Variants in TADA2A observed in about 807,000 individuals in gnomAD.
The protein encoded by TADA2A is transcriptional adapter 2-alpha.
Under a neutral mutation model 67.4 loss-of-function variants are expected in TADA2A, and 38 were observed. The observed-to-expected ratio is 0.56, with a 90% CI of 0.44 to 0.74. The LOEUF (loss-of-function observed/expected upper bound fraction) is 0.74. Ranked by LOEUF, TADA2A falls within the 30% of genes least tolerant of loss-of-function variation. The pLI is 0.00. For missense variants in TADA2A, 454 were observed against 547.0 expected, an observed-to-expected ratio of 0.83 and a Z score of 1.70; for synonymous variants, 192 against 181.6, an observed-to-expected ratio of 1.06 and a Z score of -0.46.
intron 5 of TADA2A, 50 bp downstream of exon 5, chr17:37,437,879 A>G: frequency 1.9e-6 from 3 of 1,543,034 alleles, no homozygotes; most frequent in Non-Finnish European, 2.7e-6. Flanking sequence ...CTCAGAGAAG[A>G]AGCTGTTGTT....
Position 37,457,510 on chromosome 17 carries a change from T to C in TADA2A, c.605-1014T>C, listed in dbSNP as rs1671211171. On this transcript the variant is annotated intron_variant, in intron 8 of 15. Transcript: ENST00000615182. ...TTAATTCTTTTTTTTTTTTTTTTTT[T>C]TTTTTGAGACGAGTCTCGCTCTGTT... Among the ~76,000 whole-genome samples, 3 of 144,412 alleles carry C rather than the reference T, an allele frequency of 2.1e-5. No homozygotes were observed. In the South Asian group the frequency reaches 6.8e-4, roughly 33 times the overall value. 94.7% of individuals were successfully genotyped at this position (144,412 alleles called of 152,430 possible). A position where few individuals can be genotyped will look rare whatever the true frequency, so the allele number is the denominator to read the frequency against.
intron 5 of TADA2A, 186 bp downstream of exon 5, chr17:37,438,015 A>G (rs1307063725): frequency 8.4e-6 from 5 of 597,884 alleles, no homozygotes; most frequent in Non-Finnish European, 1.5e-5. Flanking sequence ...TCACGAGGAT[A>G]TGGGATGTTT....
chr17:37,458,637 T>TTTTGTGTGTGTG (rs1230849870), intron 9 of TADA2A, 50 bp downstream of exon 9: 13 of 981,564 alleles, frequency 1.3e-5, no homozygotes, highest in Middle Eastern at 3.1e-4. Flanking sequence ...GATTATTGTT[T>TTTTGTGTGTGTG]TGTGTGTGTG....
intron 14 of TADA2A, among the ~76,000 whole-genome samples, chr17:37,473,637 A>G (rs1023984258): frequency 5.3e-5 from 8 of 152,146 alleles, no homozygotes; most frequent in Non-Finnish European, 7.4e-5. Context: ...GCTGAATACC[A>G]ATCCCTAATA....
intron 5 of TADA2A, among the ~76,000 whole-genome samples, chr17:37,439,948 T>TA (rs1568155344): frequency 5.1e-5 from 2 of 39,140 alleles, no homozygotes; most frequent in East Asian, 1.3e-3. Context: ...ATTTATTATT[T>TA]TTTTTTTTTT....
chr17:37,445,758 C>CT (rs1319263111), intron 8 of TADA2A, among the ~76,000 whole-genome samples: 2 of 149,910 alleles, frequency 1.3e-5, no homozygotes, highest in Admixed American at 6.7e-5. Context: ...ATACCCAATA[C>CT]TTTTTTTTTA....
chr17:37,451,604 G>A (rs2053235647), intron 8 of TADA2A, among the ~76,000 whole-genome samples: 1 of 152,132 alleles, frequency 6.6e-6, no homozygotes, highest in Non-Finnish European at 1.5e-5. Context: ...TTACAGGTGT[G>A]AGCCACCATG....
Position 37,412,307 on chromosome 17 carries a change from C to A in TADA2A, c.25+917C>A, listed in dbSNP as rs568232074. 2.0e-5 allele frequency among the ~76,000 whole-genome samples: 3 copies of A among 151,914 alleles called. No homozygotes were observed. In the East Asian group the frequency reaches 5.8e-4, roughly 29 times the overall value. ...TAAACCTAGAAAAGCCATGGGATTTCTGTTTAGACCAATAACATGTTTCAG... is the reference window on the plus strand; with the variant it reads ...TAAACCTAGAAAAGCCATGGGATTTATGTTTAGACCAATAACATGTTTCAG... On this transcript the variant is annotated intron_variant, in intron 2 of 15. Coordinates refer to ENST00000615182, the MANE Select transcript of TADA2A (RefSeq NM_001166105.3).
At chr17:37,427,356 C>G (rs2052440442) in intron 4 of TADA2A, among the ~76,000 whole-genome samples, 1 of 152,198 alleles carries the variant, frequency 6.6e-6, no homozygotes, top group South Asian at 2.1e-4. Context: ...TGTGTTGTCA[C>G]TGTGTGCTCA....
chr17:37,407,108 C>G (rs1295152714), intron 1 of TADA2A, 159 bp downstream of exon 1: 1 of 113,332 alleles, frequency 8.8e-6, no homozygotes, highest in Non-Finnish European at 1.8e-5. Context: ...GCTGGCGGGC[C>G]GGCGGGCGGG....
intron 8 of TADA2A, among the ~76,000 whole-genome samples, chr17:37,447,021 CTGTAAATT>C (rs1374304173): frequency 4.6e-5 from 7 of 152,144 alleles, no homozygotes; most frequent in Non-Finnish European, 1.0e-4. Context: ...TTCTATAGCC[CTGTAAATT>C]ATTGATTTTC....
intron 4 of TADA2A, among the ~76,000 whole-genome samples, chr17:37,437,048 A>T (rs761603117): frequency 6.6e-6 from 1 of 150,896 alleles, no homozygotes; most frequent in Non-Finnish European, 1.5e-5. Flanking sequence ...GCTGTAAACT[A>T]TTACTACAGT....
chr17:37,462,076 A>G lies in TADA2A; in HGVS notation c.669-2A>G, dbSNP rs1296171411. ...ACAAATTATTGTGGCTTTTCATTCTAGAATTATAAGAGACCATGGATTAAT... is the reference window on the plus strand; with the variant it reads ...ACAAATTATTGTGGCTTTTCATTCTGGAATTATAAGAGACCATGGATTAAT... On this transcript the variant is annotated splice_acceptor_variant, in intron 9 of 15. Transcript: ENST00000615182. LOFTEE classifies it high-confidence loss of function. 1 of 1,568,896 alleles carries G rather than the reference A, an allele frequency of 6.4e-7. No homozygotes were observed. The highest frequency in any genetic ancestry group is 2.3e-5 in the East Asian group (1 of 44,342).
intron 8 of TADA2A, among the ~76,000 whole-genome samples, chr17:37,453,526 C>T (rs1299806908): frequency 6.6e-6 from 1 of 152,152 alleles, no homozygotes; most frequent in Non-Finnish European, 1.5e-5. Context: ...TCAGCTAGAG[C>T]AGATCTGACT....
intron 1 of TADA2A, 73 bp from the exon 2 acceptor site, chr17:37,411,196 G>A: frequency 1.5e-6 from 1 of 657,708 alleles, no homozygotes; most frequent in South Asian, 1.9e-5. Flanking sequence ...AGCTGAGTAT[G>A]TTGCATATCT....
At chr17:37,471,189 G>C in intron 14 of TADA2A, 52 bp downstream of exon 14, 1 of 1,580,670 alleles carries the variant, frequency 6.3e-7, no homozygotes, top group South Asian at 1.1e-5. Context: ...TTGCATCGTA[G>C]GGGTTATAGT....
intron 8 of TADA2A, among the ~76,000 whole-genome samples, chr17:37,449,282 A>G (rs1228456130): frequency 6.6e-6 from 1 of 152,128 alleles, no homozygotes; most frequent in Non-Finnish European, 1.5e-5. Flanking sequence ...CAGCCTCCCA[A>G]AGTGCTGGGA....
At chr17:37,458,640 TGTGTGTGTG>T (rs2053464134) in intron 9 of TADA2A, 53 bp downstream of exon 9, 21 of 342,182 alleles carry the variant, frequency 6.1e-5, no homozygotes, top group South Asian at 2.3e-4. Flanking sequence ...TATTGTTTTG[TGTGTGTGTG>T]TGTGTGTGTG....
chr17:37,415,437 AATATT>A (rs748040979), intron 2 of TADA2A, among the ~76,000 whole-genome samples: 3 of 152,124 alleles, frequency 2.0e-5, no homozygotes, highest in African/African-American at 4.8e-5. Context: ...AATTACATCT[AATATT>A]ATATATAACC....
Sources: gnomAD v4.1 joint callset for allele counts (sites outside exome capture counted in the v4.1 genomes callset) on GRCh38, gnomAD v4.1.1 for gene constraint, MANE v1.5 for transcripts, NCBI Gene and HGNC (gene_info 2026-07-23, HGNC 2026-07-21) for gene names.